The following C13orf42 variants were observed in gnomAD, a reference collection of about 807,000 sequenced individuals.
The protein encoded by C13orf42 is uncharacterized protein C13orf42.
intron 1 of C13orf42, among the ~76,000 whole-genome samples, chr13:51,121,974 CA>C (rs1197789728): frequency 2.0e-5 from 3 of 152,022 alleles, no homozygotes; most frequent in African/African-American, 7.2e-5. Context: ...GGAAAAAGTC[CA>C]ATGTAAAACA....
chr13:51,082,917 C>G lies in C13orf42; in HGVS notation c.*1234G>C, dbSNP rs1446457708. On this transcript the variant is annotated 3_prime_UTR_variant, in exon 4 of 4. Transcript: ENST00000563710. ...ATTCATATGATCAGGTTCACATAAA[C>G]AAAAGGTTCTTCCTAAAAAATGGAA... The G allele has an allele frequency of 6.6e-6, 1 of 152,170 alleles. No individual in the cohort carries two copies. Among genetic ancestry groups the G allele is most frequent in the African/African-American group, 2.4e-5 (1 of 41,448 alleles). 9.4% of individuals were successfully genotyped at this position (152,170 alleles called of 1,614,324 possible).
At chr13:51,084,468 C>T (rs1593525513) in intron 3 of C13orf42, 143 bp from the exon 4 acceptor site, 5 of 396,004 alleles carry the variant, frequency 1.3e-5, no homozygotes, top group Admixed American at 4.4e-5. Context: ...CAAATGGTGT[C>T]GCCATGGGGG....
upstream of C13orf42, among the ~76,000 whole-genome samples, chr13:51,114,566 G>A (rs987370782): frequency 6.6e-6 from 1 of 152,008 alleles, no homozygotes; most frequent in Non-Finnish European, 1.5e-5. Context: ...TGTGGTGAGT[G>A]GCAGAATCTT....
intron 1 of C13orf42, among the ~76,000 whole-genome samples, chr13:51,152,068 A>C (rs891268574): frequency 3.9e-5 from 6 of 152,312 alleles, no homozygotes; most frequent in Middle Eastern, 3.4e-3. Context: ...CAGTTTAAGA[A>C]TCACTGCCCC....
chr13:51,107,054 G>A (rs73485833), intron 1 of C13orf42, among the ~76,000 whole-genome samples: 4,967 of 152,298 alleles, frequency 0.033, 145 homozygotes, highest in African/African-American at 0.083. Context: ...GGTCCCAGGA[G>A]GGGCTCCCAG....
chr13:51,112,301 C>T (rs1006755201), upstream of C13orf42, among the ~76,000 whole-genome samples: 10 of 152,128 alleles, frequency 6.6e-5, no homozygotes, highest in Admixed American at 6.5e-4. Context: ...GTATGTAAAG[C>T]ATTACTGAAT....
At chr13:51,151,820 T>C (rs540799151) in intron 1 of C13orf42, among the ~76,000 whole-genome samples, 48 of 152,366 alleles carry the variant, frequency 3.2e-4, no homozygotes, top group African/African-American at 9.9e-4. Flanking sequence ...AGAAGCCTGA[T>C]AGAAGGGGTC....
intron 1 of C13orf42, among the ~76,000 whole-genome samples, chr13:51,145,476 T>A (rs1953727258): frequency 6.6e-6 from 1 of 152,150 alleles, no homozygotes; most frequent in African/African-American, 2.4e-5. Context: ...CTATGAGAGA[T>A]CAGATGAAAC....
chr13:51,156,083 AGG>A (rs1953822324), intron 1 of C13orf42, among the ~76,000 whole-genome samples: 1 of 152,176 alleles, frequency 6.6e-6, no homozygotes, highest in Non-Finnish European at 1.5e-5. Context: ...CTGGAGTGAC[AGG>A]GGACCTTGAC....
intron 1 of C13orf42, among the ~76,000 whole-genome samples, chr13:51,088,374 C>T (rs1953151496): frequency 6.6e-6 from 1 of 152,168 alleles, no homozygotes; most frequent in South Asian, 2.1e-4. Context: ...TTCTTTTAGC[C>T]TTGTTCCTTG....
intron 1 of C13orf42, among the ~76,000 whole-genome samples, chr13:51,130,625 G>A (rs904137107): frequency 2.0e-5 from 3 of 152,032 alleles, no homozygotes; most frequent in Admixed American, 2.0e-4. Context: ...TGTACAGCTT[G>A]GTAAGGCCTG....
intron 1 of C13orf42, among the ~76,000 whole-genome samples, chr13:51,103,574 G>T (rs900096053): frequency 6.6e-6 from 1 of 152,088 alleles, no homozygotes; most frequent in Non-Finnish European, 1.5e-5. Context: ...GGTGGTGAGC[G>T]CCTGTAGTCC....
chr13:51,097,748 A>AT (rs113649039), intron 1 of C13orf42, among the ~76,000 whole-genome samples: 3,420 of 145,832 alleles, frequency 0.023, 125 homozygotes, highest in African/African-American at 0.079. Context: ...CCCAATCTTG[A>AT]TTTTTTTTTT....
intron 1 of C13orf42, among the ~76,000 whole-genome samples, chr13:51,116,403 CT>C (rs1367075292): frequency 2.0e-5 from 3 of 152,200 alleles, no homozygotes; most frequent in Non-Finnish European, 2.9e-5. Flanking sequence ...GGATTTAATT[CT>C]ACAAGGTGCC....
intron 1 of C13orf42, among the ~76,000 whole-genome samples, chr13:51,128,983 C>A (rs985839168): frequency 6.6e-6 from 1 of 152,154 alleles, no homozygotes. Context: ...CTAGATGACC[C>A]TCTCAGGTGG....
intron 1 of C13orf42, among the ~76,000 whole-genome samples, chr13:51,167,582 T>C (rs1449685137): frequency 6.6e-6 from 1 of 152,164 alleles, no homozygotes; most frequent in African/African-American, 2.4e-5. Flanking sequence ...GAGTGCTGGG[T>C]GCATGGGAGG....
chr13:51,164,389 C>T (rs546766662), intron 1 of C13orf42, among the ~76,000 whole-genome samples: 3 of 152,184 alleles, frequency 2.0e-5, no homozygotes, highest in Non-Finnish European at 2.9e-5. Context: ...CAGCCAGGCA[C>T]GGTGGCTCAT....
At chr13:51,131,495 G>A (rs942712059) in intron 1 of C13orf42, among the ~76,000 whole-genome samples, 1 of 152,126 alleles carries the variant, frequency 6.6e-6, no homozygotes, top group African/African-American at 2.4e-5. Flanking sequence ...CTTTCTAACA[G>A]GCCTAGGACC....
chr13:51,126,714 C>T (rs886552463), intron 1 of C13orf42, among the ~76,000 whole-genome samples: 12 of 152,144 alleles, frequency 7.9e-5, no homozygotes, highest in Non-Finnish European at 1.8e-4. Context: ...GGGCCAGGGA[C>T]GATGGGAGTG....
Sources: gnomAD v4.1 joint callset for allele counts (sites outside exome capture counted in the v4.1 genomes callset) on GRCh38, gnomAD v4.1.1 for gene constraint, MANE v1.5 for transcripts, NCBI Gene and HGNC (gene_info 2026-07-23, HGNC 2026-07-21) for gene names.